The following ANO6 variants were observed in gnomAD, a reference collection of about 807,000 sequenced individuals.
ANO6 encodes the protein anoctamin-6.
ANO6 carries 106 observed loss-of-function variants against 117.5 expected under a neutral mutation model. That is an observed-to-expected ratio of 0.90 (90% CI 0.77 to 1.06). The LOEUF (loss-of-function observed/expected upper bound fraction) is 1.06. Ranked by LOEUF, ANO6 falls within the 50% of genes least tolerant of loss-of-function variation. The pLI is 0.00. For missense variants in ANO6, 955 were observed against 1,121.1 expected, an observed-to-expected ratio of 0.85 and a Z score of 2.12; for synonymous variants, 367 against 385.1, an observed-to-expected ratio of 0.95 and a Z score of 0.55.
At chr12:45,254,403 G>T (rs1377071384) in intron 1 of ANO6, among the ~76,000 whole-genome samples, 1 of 152,160 alleles carries the variant, frequency 6.6e-6, no homozygotes. Context: ...GGCAGTATCT[G>T]CCAGATCCAT....
intron 12 of ANO6, among the ~76,000 whole-genome samples, chr12:45,401,398 A>C (rs1178565355): frequency 5.9e-5 from 9 of 152,218 alleles, no homozygotes; most frequent in African/African-American, 2.2e-4. Context: ...CTTTGGTTCT[A>C]CACTCATTTT....
chr12:45,395,395 C>T (rs974395398), intron 12 of ANO6, among the ~76,000 whole-genome samples: 7 of 152,204 alleles, frequency 4.6e-5, no homozygotes, highest in African/African-American at 1.7e-4. Flanking sequence ...GATTCACAGC[C>T]AAATTCTACC....
At chr12:45,378,706 A>T (rs562378072) in intron 10 of ANO6, among the ~76,000 whole-genome samples, 14 of 152,180 alleles carry the variant, frequency 9.2e-5, no homozygotes, top group South Asian at 2.1e-4. Flanking sequence ...TGTAGGAGGC[A>T]TGATTTGTTG....
Position 45,429,152 on chromosome 12 carries a change from T to C in ANO6, c.2574T>C (p.Asp858=), listed in dbSNP as rs2137733794. Residue 858 remains aspartate (D), a synonymous_variant, in exon 20 of 20, where the codon GAT becomes GAC. Transcript: ENST00000320560. ...VKFFISYAIP[D]VSKRTKSKIQ... ...TTTTCATTTCATATGCAATTCCCGA[T>C]GTATCAAAACGCACAAAGAGCAAGA... 7 of 1,613,866 alleles carry C rather than the reference T, an allele frequency of 4.3e-6. No individual in the cohort carries two copies. The highest frequency in any genetic ancestry group is 5.9e-6 in the Non-Finnish European group (7 of 1,179,906).
intron 9 of ANO6, among the ~76,000 whole-genome samples, chr12:45,371,014 G>A (rs1025904406): frequency 1.4e-4 from 22 of 152,198 alleles, no homozygotes; most frequent in African/African-American, 4.6e-4. Flanking sequence ...CACCGTGCGC[G>A]AGCCGAAGCA....
At chr12:45,420,020 T>C (rs1310284799) in intron 17 of ANO6, among the ~76,000 whole-genome samples, 1 of 151,478 alleles carries the variant, frequency 6.6e-6, no homozygotes, top group Non-Finnish European at 1.5e-5. Flanking sequence ...CAGACATTAT[T>C]GTTTGACTAT....
intron 18 of ANO6, 108 bp downstream of exon 18, chr12:45,421,381 T>G: frequency 8.6e-7 from 1 of 1,167,180 alleles, no homozygotes; most frequent in Non-Finnish European, 1.2e-6. Flanking sequence ...TCTTTATAAC[T>G]TCAGGATCAA....
chr12:45,237,473 A>G (rs1351259580), intron 1 of ANO6, among the ~76,000 whole-genome samples: 2 of 152,212 alleles, frequency 1.3e-5, no homozygotes, highest in Non-Finnish European at 2.9e-5. Flanking sequence ...CCATTTATTA[A>G]ATAAGGAATC....
intron 15 of ANO6, among the ~76,000 whole-genome samples, chr12:45,407,363 A>G (rs1474514618): frequency 6.6e-6 from 1 of 151,556 alleles, no homozygotes; most frequent in East Asian, 1.9e-4. Context: ...CAAGAGGCGG[A>G]GGCTAGAAGT....
downstream of ANO6, among the ~76,000 whole-genome samples, chr12:45,437,074 T>G (rs1369176109): frequency 6.6e-6 from 1 of 152,232 alleles, no homozygotes; most frequent in African/African-American, 2.4e-5. Context: ...AGACAAGGGT[T>G]GACATATGTT....
intron 2 of ANO6, among the ~76,000 whole-genome samples, chr12:45,326,610 G>T (rs377680884): frequency 6.6e-6 from 1 of 152,094 alleles, no homozygotes; most frequent in Admixed American, 6.6e-5. Context: ...GCTGCTTGAC[G>T]GTGCCCTGAA....
intron 8 of ANO6, among the ~76,000 whole-genome samples, chr12:45,367,157 T>C (rs1406888654): frequency 6.6e-6 from 1 of 152,172 alleles, no homozygotes; most frequent in Non-Finnish European, 1.5e-5. Flanking sequence ...AATTTTTGTA[T>C]TTTTAGTAGA....
intron 10 of ANO6, among the ~76,000 whole-genome samples, chr12:45,381,561 A>G (rs774402418): frequency 4.6e-5 from 7 of 152,200 alleles, no homozygotes; most frequent in Non-Finnish European, 8.8e-5. Context: ...GATGACTACT[A>G]GGTTAGCAGT....
intron 1 of ANO6, among the ~76,000 whole-genome samples, chr12:45,220,354 G>A (rs988409997): frequency 3.7e-4 from 57 of 152,172 alleles, no homozygotes; most frequent in Admixed American, 3.3e-3. Context: ...CATTACCTTT[G>A]AGAGATAATG....
chr12:45,224,167 G>A (rs73279302), intron 1 of ANO6, among the ~76,000 whole-genome samples: 2,184 of 152,274 alleles, frequency 0.014, 38 homozygotes, highest in African/African-American at 0.048. Context: ...ATACCAAGGA[G>A]AAAGCACGTG....
chr12:45,239,845 C>T (rs1055667079), intron 1 of ANO6, among the ~76,000 whole-genome samples: 58 of 152,294 alleles, frequency 3.8e-4, no homozygotes, highest in Middle Eastern at 3.4e-3. Flanking sequence ...GAGTGAGTTT[C>T]TTAATCCTGA....
At chr12:45,411,244 TTA>T (rs1425217322) in intron 16 of ANO6, among the ~76,000 whole-genome samples, 7 of 152,214 alleles carry the variant, frequency 4.6e-5, no homozygotes, top group Non-Finnish European at 7.3e-5. Flanking sequence ...GATAGGACTT[TTA>T]GAGTTTCATA....
intron 9 of ANO6, among the ~76,000 whole-genome samples, chr12:45,373,559 A>C (rs1353058238): frequency 1.3e-5 from 2 of 152,204 alleles, no homozygotes; most frequent in African/African-American, 2.4e-5. Flanking sequence ...TAAGAAACTC[A>C]CTCAAAACCG....
Position 45,314,445 on chromosome 12 carries a change from C to T in ANO6, c.150+12352C>T, listed in dbSNP as rs532180267. ...GCAACATAATGAGACCTTATCTCTA[C>T]AAAAAAAAAATTATATATATATTAT... On this transcript the variant is annotated intron_variant, in intron 2 of 19. Transcript: ENST00000320560. Among the ~76,000 whole-genome samples, 1,086 of 144,254 alleles carry T rather than the reference C, an allele frequency of 7.5e-3. 7 individuals are homozygous for T. The highest frequency in any genetic ancestry group is 0.024 in the African/African-American group (940 of 39,328). 94.6% of individuals were successfully genotyped at this position (144,254 alleles called of 152,430 possible). A position where few individuals can be genotyped will look rare whatever the true frequency, so the allele number is the denominator to read the frequency against.
Sources: allele counts gnomAD v4.1 joint callset (sites outside exome capture counted in the v4.1 genomes callset), GRCh38; gene constraint gnomAD v4.1.1; transcripts MANE v1.5; gene names NCBI Gene and HGNC (gene_info 2026-07-23, HGNC 2026-07-21).